Variants in GALNT14 observed in about 807,000 individuals in gnomAD.
GALNT14 encodes UDP-GalNAc:polypeptide N-acetylgalactosaminyltransferase 14.
GALNT14 carries 60 observed loss-of-function variants against 77.5 expected under a neutral mutation model. That is an observed-to-expected ratio of 0.77 (90% confidence interval 0.63 to 0.96). GALNT14 has a LOEUF of 0.96. Ranked by LOEUF, GALNT14 falls within the 40% of genes least tolerant of loss-of-function variation. The pLI, the probability that GALNT14 is intolerant of heterozygous loss-of-function variation, is 0.00. For missense variants in GALNT14, 710 were observed against 731.0 expected (o/e 0.97, Z 0.33); for synonymous variants, 280 against 281.7 (o/e 0.99, Z 0.06).
At chr2:31,129,783 T>C (rs2148649880) in intron 1 of GALNT14, 1 of 460,738 alleles carries the variant, frequency 2.2e-6, no homozygotes, top group South Asian at 9.1e-5. Flanking sequence ...GCTACATAAA[T>C]CTTCAGCCCA....
At chr2:31,101,196 T>A (rs1038032762) in intron 1 of GALNT14, among the ~76,000 whole-genome samples, 1 of 152,068 alleles carries the variant, frequency 6.6e-6, no homozygotes, top group Non-Finnish European at 1.5e-5. Context: ...ATATCTTTTT[T>A]CTCTTAATGT....
the GALNT14 span, among the ~76,000 whole-genome samples, chr2:30,896,567 A>C: frequency 1.3e-5 from 2 of 152,216 alleles, no homozygotes; most frequent in Non-Finnish European, 2.9e-5. Flanking sequence ...ACTAAGGTAA[A>C]TTCCTTAAAA....
In GALNT14 at chr2:30,954,718, G is replaced by A. The variant is rs145028224; in HGVS notation, c.654+900C>T. Among the ~76,000 whole-genome samples the A allele has an allele frequency of 5.9e-3, 898 of 152,344 alleles. 13 individuals carry two copies. The highest frequency in any genetic ancestry group is 0.02 in the African/African-American group (815 of 41,582). Reference sequence around the variant, plus strand: ...CAGGTAGGAGTTTAGGAGCTACCATGAAGAGTGAGCAGGAAATAACCACAG... The same window carrying A: ...CAGGTAGGAGTTTAGGAGCTACCATAAAGAGTGAGCAGGAAATAACCACAG... On this transcript the variant is annotated intron_variant, in intron 6 of 14. Coordinates refer to ENST00000349752, the MANE Select transcript of GALNT14 (RefSeq NM_024572.4).
intron 1 of GALNT14, among the ~76,000 whole-genome samples, chr2:31,070,394 C>A (rs1366625104): frequency 6.6e-6 from 1 of 152,198 alleles, no homozygotes; most frequent in African/African-American, 2.4e-5. Context: ...GCTGTCCTGT[C>A]CTCAGGAACA....
chr2:30,956,383 T>C (rs1667370244), intron 4 of GALNT14, among the ~76,000 whole-genome samples: 1 of 152,228 alleles, frequency 6.6e-6, no homozygotes, highest in African/African-American at 2.4e-5. Flanking sequence ...ATAGTAGATA[T>C]ATATATTTAT....
At chr2:31,125,211 C>T in intron 1 of GALNT14, 1 of 1,550,552 alleles carries the variant, frequency 6.4e-7, no homozygotes, top group African/African-American at 1.4e-5. Flanking sequence ...ACCTGAGGCG[C>T]CCAAGGGCTC....
At chr2:30,909,750 C>A (rs1284940052), downstream of GALNT14, among the ~76,000 whole-genome samples, 1 of 151,996 alleles carries the variant, frequency 6.6e-6, no homozygotes, top group African/African-American at 2.4e-5. Flanking sequence ...GCTATAAAGA[C>A]ACATGCACAT....
chr2:31,066,242 GA>G lies in GALNT14; in HGVS notation c.129+71715del, dbSNP rs1037252388. Among the ~76,000 whole-genome samples, 13 of 152,294 alleles carry G rather than the reference GA, an allele frequency of 8.5e-5. No individual in the cohort carries two copies. The South Asian group carries it at 2.5e-3, about 29-fold the overall frequency. On this transcript the variant is annotated intron_variant, in intron 1 of 14. Coordinates refer to ENST00000349752, the MANE Select transcript of GALNT14 (RefSeq NM_024572.4). ...GCTGAGCTGGTTGTAGGCCCCCCCA[GA>G]GGCCAGGGCATTACCATTAAGGGAG...
At chr2:30,887,294 C>T in the GALNT14 span, among the ~76,000 whole-genome samples, 1 of 152,148 alleles carries the variant, frequency 6.6e-6, no homozygotes, top group East Asian at 1.9e-4. Context: ...TGAGAAACCA[C>T]CAAACTATTT....
At chr2:30,917,940 T>C (rs1664781804) in intron 13 of GALNT14, among the ~76,000 whole-genome samples, 1 of 152,204 alleles carries the variant, frequency 6.6e-6, no homozygotes, top group South Asian at 2.1e-4. Context: ...TGAATTCAAA[T>C]GAACTGCCCT....
chr2:31,030,720 C>T (rs531178594), intron 1 of GALNT14, among the ~76,000 whole-genome samples: 1 of 152,178 alleles, frequency 6.6e-6, no homozygotes, highest in Non-Finnish European at 1.5e-5. Context: ...AGGCTTCTCC[C>T]TGGTGGATTC....
At chr2:31,028,072 T>A (rs1391769326) in intron 1 of GALNT14, among the ~76,000 whole-genome samples, 1 of 152,198 alleles carries the variant, frequency 6.6e-6, no homozygotes, top group Non-Finnish European at 1.5e-5. Flanking sequence ...CCATCTTTAA[T>A]GCTAAATATC....
At chr2:31,135,219 A>T (rs1679171932) in intron 1 of GALNT14, among the ~76,000 whole-genome samples, 1 of 152,240 alleles carries the variant, frequency 6.6e-6, no homozygotes, top group African/African-American at 2.4e-5. Flanking sequence ...TGGTAAAAAC[A>T]GTAATTCTAG....
chr2:30,980,221 C>CGAG (rs554998656), intron 2 of GALNT14, among the ~76,000 whole-genome samples: 61 of 152,356 alleles, frequency 4.0e-4, no homozygotes, highest in African/African-American at 1.3e-3. Flanking sequence ...GAGCCTGGAC[C>CGAG]TCTCTACATT....
intron 1 of GALNT14, among the ~76,000 whole-genome samples, chr2:31,100,418 T>C (rs754930766): frequency 6.6e-6 from 1 of 152,106 alleles, no homozygotes; most frequent in African/African-American, 2.4e-5. Context: ...TTATTGCACA[T>C]TGTTAGTTTA....
At chr2:31,082,849 C>A (rs1676223239) in intron 1 of GALNT14, among the ~76,000 whole-genome samples, 1 of 152,096 alleles carries the variant, frequency 6.6e-6, no homozygotes, top group African/African-American at 2.4e-5. Flanking sequence ...GAAACCCTGT[C>A]TCTACTAAAT....
At position 31,137,957 on chromosome 2, in the gene GALNT14, C is replaced by T. The variant is rs760764060; in HGVS notation, c.129+1G>A. On this transcript the variant is annotated splice_donor_variant, in intron 1 of 14. Coordinates refer to ENST00000349752, the MANE Select transcript of GALNT14 (RefSeq NM_024572.4). LOFTEE classifies it high-confidence loss of function. ...CGCCAGCGCGCCGGCAAGCCGCCTA[C>T]CTTAGGGGTCTGCACTTCAGGTCCC... 1.9e-6 allele frequency: 3 copies of T among 1,611,950 alleles called. No homozygotes were observed. The highest frequency in any genetic ancestry group is 2.5e-6 in the Non-Finnish European group (3 of 1,178,960).
At chr2:30,910,110 A>C (rs954953106), downstream of GALNT14, among the ~76,000 whole-genome samples, 4 of 150,894 alleles carry the variant, frequency 2.7e-5, no homozygotes, top group Non-Finnish European at 5.9e-5. Context: ...ACCTAATGCT[A>C]GATGACGAGT....
At chr2:30,910,255 T>C (rs1201511755), downstream of GALNT14, among the ~76,000 whole-genome samples, 1 of 151,950 alleles carries the variant, frequency 6.6e-6, no homozygotes, top group East Asian at 1.9e-4. Flanking sequence ...ACTCTCCTAA[T>C]TTGACATAAC....
Sources: gnomAD v4.1 joint callset for allele counts (sites outside exome capture counted in the v4.1 genomes callset) on GRCh38, gnomAD v4.1.1 for gene constraint, MANE v1.5 for transcripts, NCBI Gene and HGNC (gene_info 2026-07-23, HGNC 2026-07-21) for gene names.